The following SH3GL3 variants were observed in gnomAD, a reference collection of about 807,000 sequenced individuals.
The protein encoded by SH3GL3 is endophilin-A3.
A neutral mutation model predicts 47.7 loss-of-function variants in SH3GL3; 33 were observed. The ratio of observed to expected loss-of-function variants is 0.69; its 90% CI spans 0.52 to 0.92. The LOEUF is 0.92. Ranked by LOEUF, SH3GL3 falls within the 40% of genes least tolerant of loss-of-function variation. The pLI is 0.00. For missense variants in SH3GL3, 363 were observed against 417.8 expected (o/e 0.87, Z 1.14); for synonymous variants, 155 against 148.8 (o/e 1.04, Z -0.30).
intron 2 of SH3GL3, among the ~76,000 whole-genome samples, chr15:83,563,158 G>A (rs1351311161): frequency 6.6e-6 from 1 of 152,118 alleles, no homozygotes; most frequent in Non-Finnish European, 1.5e-5. Context: ...TTACAAAAAT[G>A]ATTTGTCTTC....
intron 8 of SH3GL3, among the ~76,000 whole-genome samples, chr15:83,604,437 G>A (rs1280723381): frequency 6.6e-6 from 1 of 152,044 alleles, no homozygotes; most frequent in Non-Finnish European, 1.5e-5. Flanking sequence ...AGTGTAGAGA[G>A]TGTTAAGCCT....
chr15:83,450,705 C>CT lies in SH3GL3; in HGVS notation c.45+3142dup, dbSNP rs71156082. Among the ~76,000 whole-genome samples, 556 of 82,352 alleles carry CT rather than the reference C, an allele frequency of 6.8e-3. 3 individuals carry two copies. The highest frequency in any genetic ancestry group is 0.02 in the African/African-American group (391 of 19,458). 54.0% of individuals were successfully genotyped at this position (82,352 alleles called of 152,430 possible). A position where few individuals can be genotyped will look rare whatever the true frequency, so the allele number is the denominator to read the frequency against. On this transcript the variant is annotated intron_variant, in intron 1 of 8. Transcript: ENST00000427482. Reference sequence around the variant, plus strand: ...GTTTGAGACTAGAACCCAAATTTTTCTTTTTTTTTTTTTTTCTAATATGCA... The same window carrying CT: ...GTTTGAGACTAGAACCCAAATTTTTCTTTTTTTTTTTTTTTTCTAATATGCA...
chr15:83,497,274 CG>C (rs1469129518), intron 1 of SH3GL3, among the ~76,000 whole-genome samples: 2 of 152,128 alleles, frequency 1.3e-5, no homozygotes, highest in African/African-American at 4.8e-5. Flanking sequence ...CTTGTCTTCA[CG>C]CTCTCCTTTA....
chr15:83,629,142 C>T, the SH3GL3 span, among the ~76,000 whole-genome samples: 1 of 152,244 alleles, frequency 6.6e-6, no homozygotes, highest in South Asian at 2.1e-4. Flanking sequence ...GTTAAACTAT[C>T]CATTCGTGCT....
chr15:83,561,037 G>A (rs72760364), intron 2 of SH3GL3, among the ~76,000 whole-genome samples: 6,024 of 152,188 alleles, frequency 0.04, 154 homozygotes, highest in Non-Finnish European at 0.06. Context: ...AAAAATAGAA[G>A]TAGACTTCAC....
intron 4 of SH3GL3, 62 bp from the exon 5 acceptor site, chr15:83,572,503 A>T: frequency 9.4e-6 from 13 of 1,390,350 alleles, no homozygotes; most frequent in Non-Finnish European, 1.0e-5. Context: ...TGAAATAAAT[A>T]GCACTGTTAA....
chr15:83,533,143 G>T (rs2043756249), intron 1 of SH3GL3, among the ~76,000 whole-genome samples: 1 of 152,190 alleles, frequency 6.6e-6, no homozygotes, highest in Non-Finnish European at 1.5e-5. Context: ...TGAGAAAATG[G>T]GGACAGTCCA....
chr15:83,617,920 C>G (rs1382532720), intron 8 of SH3GL3, among the ~76,000 whole-genome samples, 162 bp from the exon 9 acceptor site: 1 of 152,106 alleles, frequency 6.6e-6, no homozygotes, highest in Non-Finnish European at 1.5e-5. Flanking sequence ...GCTGAGGCAG[C>G]CAGAGACCAC....
intron 8 of SH3GL3, among the ~76,000 whole-genome samples, chr15:83,593,085 G>A (rs192194527): frequency 9.9e-5 from 15 of 152,254 alleles, no homozygotes; most frequent in Admixed American, 9.8e-4. Context: ...TACAATTGTT[G>A]TCTTGATGAC....
At chr15:83,487,809 T>C (rs141937340) in intron 1 of SH3GL3, among the ~76,000 whole-genome samples, 1 of 152,256 alleles carries the variant, frequency 6.6e-6, no homozygotes, top group East Asian at 1.9e-4. Context: ...TTGGCTGACA[T>C]AGTTTTTCTC....
Position 83,453,539 on chromosome 15 carries a change from A to G in SH3GL3, c.45+5961A>G, listed in dbSNP as rs538922054. Among the ~76,000 whole-genome samples, 748 of 150,212 alleles carry G rather than the reference A, an allele frequency of 5.0e-3. 7 individuals are homozygous for G. Among genetic ancestry groups the G allele is most frequent in the Non-Finnish European group, 8.3e-3 (561 of 67,598 alleles). On this transcript the variant is annotated intron_variant, in intron 1 of 8. Coordinates refer to ENST00000427482, the MANE Select transcript of SH3GL3 (RefSeq NM_003027.5). ...CTTCTTCCTGGTTTAGTCTTGGGAG[A>G]GTGTATGTGTCGAGGAATGTATCCA...
chr15:83,491,219 G>A lies in SH3GL3; in HGVS notation c.45+43641G>A, dbSNP rs112113905. Among the ~76,000 whole-genome samples the A allele has an allele frequency of 4.1e-3, 617 of 152,206 alleles. 5 individuals are homozygous for A. The highest frequency in any genetic ancestry group is 0.014 in the African/African-American group (575 of 41,520). On this transcript the variant is annotated intron_variant, in intron 1 of 8. Coordinates refer to ENST00000427482, the MANE Select transcript of SH3GL3 (RefSeq NM_003027.5). ...CTTGCATGAGTGAATTGGACAGTGC[G>A]GACTCCATTCTGCAAAAAGCTTGAT...
intron 1 of SH3GL3, among the ~76,000 whole-genome samples, chr15:83,469,861 C>A (rs2040750082): frequency 6.6e-6 from 1 of 152,094 alleles, no homozygotes; most frequent in Admixed American, 6.5e-5. Flanking sequence ...TTACTGAGTT[C>A]TTCTATATCC....
chr15:83,497,932 G>C (rs2151598354), intron 1 of SH3GL3, among the ~76,000 whole-genome samples: 1 of 152,254 alleles, frequency 6.6e-6, no homozygotes, highest in Middle Eastern at 3.4e-3. Context: ...TTAACTCTCT[G>C]TTCACTATGT....
At chr15:83,479,694 A>C (rs1448706566) in intron 1 of SH3GL3, among the ~76,000 whole-genome samples, 1 of 152,128 alleles carries the variant, frequency 6.6e-6, no homozygotes, top group Admixed American at 6.5e-5. Context: ...CTCCAGACTG[A>C]AGGTTGCAGG....
At chr15:83,612,857 C>T (rs1347502538) in intron 8 of SH3GL3, among the ~76,000 whole-genome samples, 1 of 152,232 alleles carries the variant, frequency 6.6e-6, no homozygotes, top group African/African-American at 2.4e-5. Context: ...AAGTTTCTCT[C>T]TCTCTCTCGC....
intron 1 of SH3GL3, among the ~76,000 whole-genome samples, chr15:83,459,344 A>G (rs183060221): frequency 9.2e-5 from 14 of 152,334 alleles, no homozygotes; most frequent in African/African-American, 2.9e-4. Flanking sequence ...GCATTCTTCA[A>G]TCCAATCAAG....
the SH3GL3 span, among the ~76,000 whole-genome samples, chr15:83,629,327 C>A: frequency 6.6e-6 from 1 of 152,128 alleles, no homozygotes; most frequent in Non-Finnish European, 1.5e-5. Flanking sequence ...ATAGAGTCAT[C>A]AAATCACTGT....
At chr15:83,527,000 T>A (rs2043450829) in intron 1 of SH3GL3, among the ~76,000 whole-genome samples, 1 of 152,222 alleles carries the variant, frequency 6.6e-6, no homozygotes, top group South Asian at 2.1e-4. Context: ...CCTTCTTGAT[T>A]TCTTTTTCAG....
Sources: gnomAD v4.1 joint callset for allele counts (sites outside exome capture counted in the v4.1 genomes callset) on GRCh38, gnomAD v4.1.1 for gene constraint, MANE v1.5 for transcripts, NCBI Gene and HGNC (gene_info 2026-07-23, HGNC 2026-07-21) for gene names.